Variants in TMEM120B observed in about 807,000 individuals in gnomAD.
TMEM120B encodes the protein transmembrane protein 120B.
In TMEM120B, 31 loss-of-function variants were observed where a neutral mutation model predicts 55.5. The observed-to-expected ratio is 0.56, with a 90% CI of 0.42 to 0.75. The LOEUF is 0.75. TMEM120B is among the 30% of genes least tolerant of loss of function. The pLI, the probability that TMEM120B is intolerant of heterozygous loss-of-function variation, is 0.00. For synonymous variants in TMEM120B, 203 were observed against 176.3 expected (o/e 1.15, Z -1.20); for missense variants, 399 against 425.5 (o/e 0.94, Z 0.55).
At chr12:121,751,945 C>G (rs77942494) in intron 4 of TMEM120B, among the ~76,000 whole-genome samples, 183 bp from the exon 5 acceptor site, 1 of 152,210 alleles carries the variant, frequency 6.6e-6, no homozygotes, top group Non-Finnish European at 1.5e-5. Context: ...ATACTTGGCC[C>G]TCTTCCCCTC....
intron 6 of TMEM120B, among the ~76,000 whole-genome samples, chr12:121,765,868 A>G (rs548457836): frequency 6.6e-6 from 1 of 152,202 alleles, no homozygotes; most frequent in South Asian, 2.1e-4. Context: ...GTTCTTTACC[A>G]GGGAGTAGCT....
In TMEM120B at chr12:121,754,636, C is replaced by T. The variant is rs115953005; in HGVS notation, c.461+2413C>T. On this transcript the variant is annotated intron_variant, in intron 5 of 11. Transcript: ENST00000449592. ...TCACTCGCCTCTGTCTCTGTCACCA[C>T]GCCACACGGCCTCCTTCCCTAGTGT... Among the ~76,000 whole-genome samples the T allele has an allele frequency of 3.0e-3, 461 of 152,304 alleles. 1 individual carries two copies. Among genetic ancestry groups the T allele is most frequent in the African/African-American group, 0.011 (445 of 41,570 alleles).
intron 1 of TMEM120B, among the ~76,000 whole-genome samples, chr12:121,729,827 A>T (rs945827290): frequency 2.6e-5 from 4 of 152,134 alleles, no homozygotes; most frequent in Admixed American, 2.6e-4. Context: ...GGTTTCAGAA[A>T]GATATTTGTA....
At chr12:121,752,589 C>T (rs1331067005) in intron 5 of TMEM120B, among the ~76,000 whole-genome samples, 1 of 151,972 alleles carries the variant, frequency 6.6e-6, no homozygotes, top group Non-Finnish European at 1.5e-5. Context: ...CCTGTCTCTA[C>T]TAAAAATGCA....
In TMEM120B at chr12:121,775,706, A is replaced by G; in HGVS notation, c.1004A>G (p.Lys335Arg). 6.2e-7 allele frequency: 1 copy of G among 1,613,992 alleles called. No homozygotes were observed. The highest frequency in any genetic ancestry group is 1.1e-5 in the South Asian group (1 of 91,090). ...VHAKLQKNRG[K>R]TKQP ...GCCAAGCTCCAGAAGAACAGAGGCAAGACAAAGCAGCCGTGAGCCTCGGGC... is the reference window on the plus strand; with the variant it reads ...GCCAAGCTCCAGAAGAACAGAGGCAGGACAAAGCAGCCGTGAGCCTCGGGC... Residue 335 changes from lysine (K) to arginine (R), a missense_variant, in exon 12 of 12, where the codon AAG becomes AGG. By Grantham distance (26) the Lys-to-Arg change is conservative. Transcript: ENST00000449592. The surrounding 1 kb of genome is among the most constrained non-coding windows in gnomAD (Gnocchi z 4.3).
chr12:121,756,084 G>A (rs1873468046), intron 5 of TMEM120B, among the ~76,000 whole-genome samples: 1 of 152,152 alleles, frequency 6.6e-6, no homozygotes, highest in Admixed American at 6.5e-5. Flanking sequence ...AAGGTTATAA[G>A]TTCCCAATAA....
intron 1 of TMEM120B, among the ~76,000 whole-genome samples, chr12:121,720,311 G>C (rs375002941): frequency 4.6e-5 from 7 of 152,178 alleles, no homozygotes; most frequent in African/African-American, 1.7e-4. Context: ...ACGCATACAC[G>C]TTAGGCGAAG....
chr12:121,774,086 G>T (rs1391855151), intron 9 of TMEM120B, among the ~76,000 whole-genome samples: 3 of 151,718 alleles, frequency 2.0e-5, no homozygotes, highest in African/African-American at 7.3e-5. Flanking sequence ...CTCCTGAGTA[G>T]CTGGGATTAC....
intron 7 of TMEM120B, 124 bp downstream of exon 7, chr12:121,771,096 A>G (rs1555332975): frequency 9.4e-7 from 1 of 1,069,290 alleles, no homozygotes; most frequent in Non-Finnish European, 1.4e-6. Context: ...TGGGAAAGAA[A>G]GTATGAGCCT....
intron 1 of TMEM120B, among the ~76,000 whole-genome samples, chr12:121,715,083 A>G (rs1197892807): frequency 1.3e-5 from 2 of 152,092 alleles, no homozygotes; most frequent in Non-Finnish European, 1.5e-5. Flanking sequence ...CATGCCTGTA[A>G]TTCCAGAACT....
intron 9 of TMEM120B, among the ~76,000 whole-genome samples, chr12:121,773,777 C>CACACACACACACACAA (rs1414298541): frequency 3.9e-5 from 6 of 152,162 alleles, no homozygotes; most frequent in South Asian, 2.1e-4. Context: ...TACACACACA[C>CACACACACACACACAA]AAATTAGCCA....
rs1592936826 is a variant in TMEM120B, at chr12:121,748,320, C to T, written c.189-6C>T. On this transcript the variant is annotated splice_polypyrimidine_tract_variant and splice_region_variant and intron_variant, in intron 2 of 11. Transcript: ENST00000449592. ...CCTTCCCCTGTGCCTGCATCTCTGT[C>T]CGCAGGTGCAAACGCCATGCCAGTC... The T allele has an allele frequency of 1.2e-6, 2 of 1,605,364 alleles. No individual in the cohort carries two copies. Among genetic ancestry groups the T allele is most frequent in the Non-Finnish European group, 1.7e-6 (2 of 1,173,950 alleles).
chr12:121,769,215 A>G (rs931661015), intron 6 of TMEM120B, among the ~76,000 whole-genome samples: 2 of 151,678 alleles, frequency 1.3e-5, no homozygotes, highest in African/African-American at 2.4e-5. Flanking sequence ...TTCTGGAAAC[A>G]GAGTTCCCAT....
intron 1 of TMEM120B, among the ~76,000 whole-genome samples, chr12:121,735,731 C>T (rs1895097109): frequency 7.2e-6 from 1 of 138,448 alleles, no homozygotes; most frequent in African/African-American, 2.7e-5. Context: ...CACTCTGTCG[C>T]CCAGGCTGGA....
At chr12:121,771,124 C>CGCGGGCCCCACCCAGCCCGT in intron 7 of TMEM120B, 152 bp downstream of exon 7, 1 of 873,802 alleles carries the variant, frequency 1.1e-6, no homozygotes, top group Non-Finnish European at 1.8e-6. Context: ...CGCCGGGCTG[C>CGCGGGCCCCACCCAGCCCGT]GCGGGCCCCA....
Position 121,775,196 on chromosome 12 carries a change from T to TC in TMEM120B, c.906+66_906+67insC. 7.0e-7 allele frequency: 1 copy of TC among 1,419,788 alleles called. No homozygotes were observed. The highest frequency in any genetic ancestry group is 9.6e-7 in the Non-Finnish European group (1 of 1,037,304). The allele number at this position is 1,419,788 out of a possible 1,614,324, so 87.9% of individuals were successfully genotyped here. On this transcript the variant is annotated intron_variant, in intron 11 of 11. Coordinates refer to ENST00000449592, the MANE Select transcript of TMEM120B (RefSeq NM_001080825.2). This position sits in a 1 kb window ranked among gnomAD's most constrained non-coding sequence, Gnocchi z 4.3. ...GGGCTGGGGTGGCAGGGATGGGGTG[T>TC]ATGTGTGGCATGCTGGGGTGCGGAT...
rs559913903 is a variant in TMEM120B, at chr12:121,750,250, C to T, written c.306-130C>T. On this transcript the variant is annotated intron_variant, in intron 3 of 11. Transcript: ENST00000449592. The stretch of plus-strand genomic sequence containing the variant: ...CACTCGATGTGGGGGCCCATTTGCC[C>T]GCTGAGCTTAGGCCCCCTATCTTCT... 4.3e-5 allele frequency: 36 copies of T among 839,270 alleles called. No individual in the cohort carries two copies. In the African/African-American group the frequency reaches 4.7e-4, roughly 11 times the overall value. 52.0% of individuals were successfully genotyped at this position (839,270 alleles called of 1,614,324 possible). A position where few individuals can be genotyped will look rare whatever the true frequency, so the allele number is the denominator to read the frequency against.
intron 1 of TMEM120B, among the ~76,000 whole-genome samples, chr12:121,732,737 T>G (rs2137057960): frequency 6.6e-6 from 1 of 152,212 alleles, no homozygotes; most frequent in East Asian, 1.9e-4. Context: ...CCCAGCACTT[T>G]GGGAGGCCGA....
At chr12:121,758,808 G>A (rs1045438308) in intron 5 of TMEM120B, 3 of 983,040 alleles carry the variant, frequency 3.1e-6, no homozygotes, top group Non-Finnish European at 3.6e-6. Flanking sequence ...CCGTGCTGTG[G>A]TCACCATGGA....
Sources: allele counts gnomAD v4.1 joint callset (sites outside exome capture counted in the v4.1 genomes callset), GRCh38; gene constraint gnomAD v4.1.1; non-coding constraint Gnocchi (gnomAD v3.1); transcripts MANE v1.5; gene names NCBI Gene and HGNC (gene_info 2026-07-23, HGNC 2026-07-21).